ARHGAP8: variants seen among roughly 807,000 people sequenced by gnomAD.
The protein encoded by ARHGAP8 is rho GTPase-activating protein 8.
Under a neutral mutation model 46.1 loss-of-function variants are expected in ARHGAP8, and 62 were observed. That is an observed-to-expected ratio of 1.34 (90% CI 1.10 to 1.66). The LOEUF is 1.66. Among genes scored for constraint, ARHGAP8 ranks in the 40% most tolerant of loss-of-function variants. ARHGAP8 has a pLI of 0.00. For synonymous variants in ARHGAP8, 375 were observed against 243.1 expected (o/e 1.54, Z -5.05); for missense variants, 923 against 568.4 (o/e 1.62, Z -6.34).
intron 10 of ARHGAP8, among the ~76,000 whole-genome samples, chr22:44,856,152 C>T (rs1177938098): frequency 2.0e-5 from 3 of 152,038 alleles, no homozygotes; most frequent in Admixed American, 2.0e-4. Flanking sequence ...CCCATCCCCA[C>T]CTCCCACATT....
At chr22:44,799,874 C>A (rs1254240583) in intron 2 of ARHGAP8, among the ~76,000 whole-genome samples, 1 of 151,958 alleles carries the variant, frequency 6.6e-6, no homozygotes, top group Admixed American at 6.6e-5. Context: ...CAGGGCCTTC[C>A]CCAGGGTGTC....
In ARHGAP8 at chr22:44,759,153, C is replaced by G. The variant is rs118059359; in HGVS notation, c.-72+6526C>G. 3.6e-3 allele frequency among the ~76,000 whole-genome samples: 546 copies of G among 152,296 alleles called. 3 individuals are homozygous for G. The highest frequency in any genetic ancestry group is 6.0e-3 in the Non-Finnish European group (407 of 68,030). ...TTGGATCCCGGGGTCTGTCCCAAGCCCTCTGCTTGTTCTTTTATTCAACAG... is the reference window on the plus strand; with the variant it reads ...TTGGATCCCGGGGTCTGTCCCAAGCGCTCTGCTTGTTCTTTTATTCAACAG... On this transcript the variant is annotated intron_variant, in intron 1 of 11. Transcript: ENST00000356099.
rs1602145204 is a variant in ARHGAP8, at chr22:44,766,231, T to C, written c.-72+13604T>C. 2.0e-5 allele frequency: 3 copies of C among 153,002 alleles called. No homozygotes were observed. In the East Asian group the frequency reaches 5.8e-4, roughly 29 times the overall value. 9.5% of individuals were successfully genotyped at this position (153,002 alleles called of 1,614,324 possible). A position where few individuals can be genotyped will look rare whatever the true frequency, so the allele number is the denominator to read the frequency against. Reference sequence around the variant, plus strand: ...AGAGGACCAAAGCCCGGGGAGGCTGTGGGGCGGGGCGGGCAGCAGGTCATG... The same window carrying C: ...AGAGGACCAAAGCCCGGGGAGGCTGCGGGGCGGGGCGGGCAGCAGGTCATG... On this transcript the variant is annotated intron_variant, in intron 1 of 11. Coordinates refer to ENST00000356099, the MANE Select transcript of ARHGAP8 (RefSeq NM_181335.3).
Position 44,849,344 on chromosome 22 carries a change from C to G in ARHGAP8, c.877+284C>G, listed in dbSNP as rs148215812. 3.2e-3 allele frequency: 1,418 copies of G among 446,472 alleles called. 6 individuals carry two copies. The highest frequency in any genetic ancestry group is 4.3e-3 in the Non-Finnish European group (1,080 of 248,548). The allele number at this position is 446,472 out of a possible 1,614,324, so 27.7% of individuals were successfully genotyped here. A position where few individuals can be genotyped will look rare whatever the true frequency, so the allele number is the denominator to read the frequency against. On this transcript the variant is annotated intron_variant, in intron 10 of 11. Coordinates refer to ENST00000356099, the MANE Select transcript of ARHGAP8 (RefSeq NM_181335.3). The stretch of plus-strand genomic sequence containing the variant: ...AGGAGGCAGGGTGATGGGGGGCTCT[C>G]TAGATTTGGGGCTCATCATCCTGGT...
At position 44,862,593 on chromosome 22, in the gene ARHGAP8, T is replaced by C. The variant is rs185310853; in HGVS notation, c.1300T>C (p.Ter434GlnextTer33). Reference sequence around the variant, plus strand: ...CCTGATGGCAGCCAGAAGACGTCTCTAGTGTTGCGAACACTCTGTATATTT... The same window carrying C: ...CCTGATGGCAGCCAGAAGACGTCTCCAGTGTTGCGAACACTCTGTATATTT... ...SPLMAARRRL* is the reference protein window; with the variant it reads ...SPLMAARRRLQ Residue 434 changes from the stop codon to glutamine, a stop_lost, in exon 12 of 12, where the codon TAG becomes CAG. Coordinates refer to ENST00000356099, the MANE Select transcript of ARHGAP8 (RefSeq NM_181335.3). 14 of 1,571,606 alleles carry C rather than the reference T, an allele frequency of 8.9e-6. No individual in the cohort carries two copies. The highest frequency in any genetic ancestry group is 3.4e-4 in the Middle Eastern group (2 of 5,886).
intron 8 of ARHGAP8, among the ~76,000 whole-genome samples, chr22:44,847,233 C>T (rs915998869): frequency 2.0e-5 from 3 of 152,182 alleles, no homozygotes; most frequent in Non-Finnish European, 4.4e-5. Flanking sequence ...CAGAGGGAGC[C>T]CTTCCCTCTA....
At position 44,862,735 on chromosome 22, in the gene ARHGAP8, T is replaced by G; in HGVS notation, c.*140T>G. On this transcript the variant is annotated 3_prime_UTR_variant, in exon 12 of 12. Transcript: ENST00000356099. Reference sequence around the variant, plus strand: ...TCTAATGAAAACTCCATGCCTCTGGTCCTTGGACTCTTGTCCATGGTTCCT... The same window carrying G: ...TCTAATGAAAACTCCATGCCTCTGGGCCTTGGACTCTTGTCCATGGTTCCT... 9.9e-7 allele frequency: 1 copy of G among 1,009,058 alleles called. No homozygotes were observed. Among genetic ancestry groups the G allele is most frequent in the Non-Finnish European group, 1.4e-6 (1 of 723,378 alleles). The allele number at this position is 1,009,058 out of a possible 1,614,324, so 62.5% of individuals were successfully genotyped here.
chr22:44,828,466 T>G (rs1930694195), intron 7 of ARHGAP8, among the ~76,000 whole-genome samples: 1 of 148,634 alleles, frequency 6.7e-6, no homozygotes, highest in South Asian at 2.1e-4. Flanking sequence ...AATTTTTTTT[T>G]TGAAATGGAG....
chr22:44,843,177 C>T (rs567556811), intron 7 of ARHGAP8, among the ~76,000 whole-genome samples: 85 of 152,144 alleles, frequency 5.6e-4, no homozygotes, highest in Non-Finnish European at 9.7e-4. Flanking sequence ...CCTTGCCCAC[C>T]ACATTATTTC....
intron 10 of ARHGAP8, among the ~76,000 whole-genome samples, chr22:44,852,214 AAAAGG>A (rs2070113410): frequency 7.0e-6 from 1 of 142,938 alleles, no homozygotes; most frequent in Non-Finnish European, 1.5e-5. Context: ...AAAAAAAAAA[AAAAGG>A]AAGGGAGGAA....
At chr22:44,793,330 G>A (rs1311007885) in intron 2 of ARHGAP8, among the ~76,000 whole-genome samples, 4 of 152,162 alleles carry the variant, frequency 2.6e-5, no homozygotes, top group Admixed American at 1.3e-4. Context: ...GCTCAGAGAC[G>A]TGGAGGGTGG....
intron 2 of ARHGAP8, among the ~76,000 whole-genome samples, chr22:44,799,990 G>C (rs538677688): frequency 9.7e-6 from 1 of 102,762 alleles, no homozygotes; most frequent in Non-Finnish European, 2.0e-5. Context: ...GTGGGGCAAG[G>C]TGGGGTTGGG....
At chr22:44,802,262 G>A in intron 3 of ARHGAP8, 98 bp downstream of exon 3, 1 of 1,480,104 alleles carries the variant, frequency 6.8e-7, no homozygotes, top group South Asian at 1.3e-5. Context: ...GCTGTGGTCT[G>A]GGGCCTCCTT....
chr22:44,755,717 C>T (rs531029383), intron 1 of ARHGAP8, among the ~76,000 whole-genome samples: 119 of 152,294 alleles, frequency 7.8e-4, no homozygotes, highest in Non-Finnish European at 1.4e-3. Flanking sequence ...GGTCTTTGGG[C>T]CCCCATTTTC....
chr22:44,859,092 C>A (rs2070338112), intron 10 of ARHGAP8, among the ~76,000 whole-genome samples: 4 of 152,088 alleles, frequency 2.6e-5, no homozygotes, highest in Admixed American at 1.3e-4. Flanking sequence ...TAGACCACTC[C>A]CATTTATAAA....
At chr22:44,821,193 A>G (rs1479152180) in intron 5 of ARHGAP8, among the ~76,000 whole-genome samples, 1 of 151,948 alleles carries the variant, frequency 6.6e-6, no homozygotes. Flanking sequence ...GCACTTTGGG[A>G]GGCCAAGGCG....
intron 5 of ARHGAP8, among the ~76,000 whole-genome samples, chr22:44,815,788 G>A (rs1929696844): frequency 6.6e-6 from 1 of 152,076 alleles, no homozygotes; most frequent in African/African-American, 2.4e-5. Context: ...TGGGCATCTT[G>A]TATTTTCTTC....
Position 44,802,489 on chromosome 22 carries a change from T to A in ARHGAP8, c.167+325T>A, listed in dbSNP as rs148511272. ...AGGCGAACCTTGCAGATGACACGGC[T>A]GCCGAGCGCCAGGCCTCCCCCACGC... is the stretch of plus-strand genomic sequence containing the variant. On this transcript the variant is annotated intron_variant, in intron 3 of 11. Transcript: ENST00000356099. Among the ~76,000 whole-genome samples the A allele has an allele frequency of 2.0e-3, 309 of 152,312 alleles. 3 individuals are homozygous for A. The highest frequency in any genetic ancestry group is 6.8e-3 in the African/African-American group (284 of 41,564).
intron 6 of ARHGAP8, among the ~76,000 whole-genome samples, chr22:44,822,951 G>T (rs893457316): frequency 3.3e-5 from 5 of 152,192 alleles, no homozygotes; most frequent in Admixed American, 6.5e-5. Context: ...AATAGAGGCT[G>T]CCCAGAAAGG....
Sources: gnomAD v4.1 joint callset for allele counts (sites outside exome capture counted in the v4.1 genomes callset) on GRCh38, gnomAD v4.1.1 for gene constraint, MANE v1.5 for transcripts, NCBI Gene and HGNC (gene_info 2026-07-23, HGNC 2026-07-21) for gene names.